The following RBM46 variants were observed in gnomAD, a reference collection of about 807,000 sequenced individuals.
RBM46 encodes probable RNA-binding protein 46.
A neutral mutation model predicts 43.3 loss-of-function variants in RBM46; 12 were observed. That is an observed-to-expected ratio of 0.28 (90% CI 0.18 to 0.45). The LOEUF is 0.45. Among genes scored for constraint, RBM46 ranks in the 20% least tolerant of loss-of-function variants. The probability of loss-of-function intolerance (pLI) is 1.00; values close to 1 mark genes in which losing one functional copy is unlikely to be tolerated. For missense variants in RBM46, 412 were observed against 639.1 expected, an observed-to-expected ratio of 0.64 and a Z score of 3.83; for synonymous variants, 205 against 207.6, an observed-to-expected ratio of 0.99 and a Z score of 0.11.
intron 1 of RBM46, among the ~76,000 whole-genome samples, chr4:154,791,021 C>T (rs1042564402): frequency 2.0e-5 from 3 of 152,100 alleles, no homozygotes; most frequent in African/African-American, 7.2e-5. Flanking sequence ...TTTGGCCAAC[C>T]ACACTTTTGA....
chr4:154,819,928 G>T (rs2111206460), intron 4 of RBM46, among the ~76,000 whole-genome samples: 1 of 152,078 alleles, frequency 6.6e-6, no homozygotes, highest in Middle Eastern at 3.4e-3. Flanking sequence ...TTTTAAGACA[G>T]CAAGGAAATG....
chr4:154,782,512 C>T (rs1239862486), intron 1 of RBM46, among the ~76,000 whole-genome samples: 2 of 152,148 alleles, frequency 1.3e-5, no homozygotes, highest in Non-Finnish European at 2.9e-5. Flanking sequence ...GAGACGGAGT[C>T]TCGCTCTGTC....
At chr4:154,810,531 T>C (rs1735124375) in intron 4 of RBM46, among the ~76,000 whole-genome samples, 1 of 152,124 alleles carries the variant, frequency 6.6e-6, no homozygotes, top group Non-Finnish European at 1.5e-5. Context: ...AAAAAAGACT[T>C]TAGTCTTTAT....
chr4:154,817,372 G>A (rs1015374718), intron 4 of RBM46, among the ~76,000 whole-genome samples: 8 of 137,008 alleles, frequency 5.8e-5, no homozygotes, highest in Non-Finnish European at 1.1e-4. Flanking sequence ...TCATACTGTC[G>A]CCCAGGCTGG....
chr4:154,804,814 GT>G (rs575968520), intron 4 of RBM46, among the ~76,000 whole-genome samples: 26,016 of 113,246 alleles, frequency 0.23, 2,939 homozygotes, highest in East Asian at 0.54. Context: ...GATTAAGGTT[GT>G]TTTTTTTTTT....
At chr4:154,802,411 A>G (rs562589004) in intron 4 of RBM46, among the ~76,000 whole-genome samples, 46 of 152,240 alleles carry the variant, frequency 3.0e-4, no homozygotes, top group Non-Finnish European at 5.4e-4. Context: ...AGTAGATCTG[A>G]GTGTTGCCAT....
At chr4:154,795,016 C>T (rs1354619750) in intron 1 of RBM46, among the ~76,000 whole-genome samples, 1 of 151,890 alleles carries the variant, frequency 6.6e-6, no homozygotes, top group Non-Finnish European at 1.5e-5. Flanking sequence ...TATAGTTGGT[C>T]CTTAATAAAT....
At chr4:154,815,701 T>C (rs1299017157) in intron 4 of RBM46, among the ~76,000 whole-genome samples, 3 of 152,002 alleles carry the variant, frequency 2.0e-5, no homozygotes, top group Non-Finnish European at 4.4e-5. Context: ...TTATTGAATA[T>C]ATTTTTAAAA....
intron 1 of RBM46, among the ~76,000 whole-genome samples, chr4:154,790,896 A>G (rs930143172): frequency 5.3e-5 from 8 of 152,218 alleles, no homozygotes; most frequent in African/African-American, 1.9e-4. Flanking sequence ...TACTTGATAT[A>G]GGGTGGGGCA....
chr4:154,809,250 G>T (rs993850552), intron 4 of RBM46, among the ~76,000 whole-genome samples: 3 of 151,692 alleles, frequency 2.0e-5, no homozygotes, highest in Non-Finnish European at 4.4e-5. Flanking sequence ...TGCTACATTA[G>T]CTAATGTGGC....
chr4:154,805,893 C>T (rs893849264), intron 4 of RBM46, among the ~76,000 whole-genome samples: 3 of 151,604 alleles, frequency 2.0e-5, no homozygotes, highest in Admixed American at 6.6e-5. Flanking sequence ...GAATTTTTTT[C>T]CAGTTTTAAC....
At chr4:154,824,365 A>T (rs1174954353) in intron 4 of RBM46, among the ~76,000 whole-genome samples, 2 of 152,110 alleles carry the variant, frequency 1.3e-5, no homozygotes, top group Admixed American at 6.5e-5. Flanking sequence ...GCCCCAAAAG[A>T]AATGAAAACA....
At chr4:154,826,744 T>C in intron 4 of RBM46, 1 of 1,075,056 alleles carries the variant, frequency 9.3e-7, no homozygotes, top group South Asian at 1.8e-5. Flanking sequence ...TTTTCCTTTT[T>C]TTTTTTTTTT....
intron 1 of RBM46, among the ~76,000 whole-genome samples, chr4:154,782,864 G>A (rs539892168): frequency 7.9e-5 from 12 of 152,262 alleles, no homozygotes; most frequent in African/African-American, 2.6e-4. Context: ...GATATGTTGC[G>A]TGTATAAGGA....
chr4:154,809,928 G>A (rs141722898), intron 4 of RBM46, among the ~76,000 whole-genome samples: 12 of 152,148 alleles, frequency 7.9e-5, no homozygotes, highest in African/African-American at 2.9e-4. Flanking sequence ...CCAAACAATA[G>A]GTTGTTTAGG....
chr4:154,809,708 C>T (rs996378908), intron 4 of RBM46, among the ~76,000 whole-genome samples: 1 of 152,106 alleles, frequency 6.6e-6, no homozygotes, highest in Non-Finnish European at 1.5e-5. Flanking sequence ...ATGCAGTGCA[C>T]TTACCTAAGT....
intron 1 of RBM46, chr4:154,781,747 C>G (rs764745249): frequency 1.3e-5 from 2 of 152,990 alleles, no homozygotes; most frequent in Non-Finnish European, 2.9e-5. Context: ...CGCTCTCCGC[C>G]TTATTTCCGC....
intron 2 of RBM46, 57 bp downstream of exon 2, chr4:154,796,960 G>T: frequency 1.4e-6 from 2 of 1,426,850 alleles, no homozygotes; most frequent in Non-Finnish European, 1.9e-6. Context: ...ATGTAGATTA[G>T]ATGTGTATCC....
intron 4 of RBM46, among the ~76,000 whole-genome samples, chr4:154,813,403 G>T (rs1735279036): frequency 6.6e-6 from 1 of 151,868 alleles, no homozygotes; most frequent in Admixed American, 6.6e-5. Flanking sequence ...ATTTTATATT[G>T]GATATGTGTA....
Sources: gnomAD v4.1 joint callset for allele counts (sites outside exome capture counted in the v4.1 genomes callset) on GRCh38, gnomAD v4.1.1 for gene constraint, MANE v1.5 for transcripts, NCBI Gene and HGNC (gene_info 2026-07-23, HGNC 2026-07-21) for gene names.